Variants in POM121 observed in about 807,000 individuals in gnomAD.
POM121 encodes the protein POM121 transmembrane nucleoporin.
In POM121, 32 loss-of-function variants were observed where a neutral mutation model predicts 81.3. That is an observed-to-expected ratio of 0.39 (90% CI 0.30 to 0.53). The LOEUF is 0.53. Among genes scored for constraint, POM121 ranks in the 20% least tolerant of loss-of-function variants. The pLI is 0.66. For missense variants in POM121, 1,138 were observed against 1,614.6 expected (o/e 0.70, Z 5.06); for synonymous variants, 514 against 694.2 (o/e 0.74, Z 4.08).
rs1290467762 is a variant in POM121 at position 72,947,893 on chromosome 7, C to G, written c.*1659C>G. 1 of 996,138 alleles carries G rather than the reference C, an allele frequency of 1.0e-6. No homozygotes were observed. The highest frequency in any genetic ancestry group is 1.2e-6 in the Non-Finnish European group (1 of 835,600). The allele number at this position is 996,138 out of a possible 1,614,324, so 61.7% of individuals were successfully genotyped here. On this transcript the variant is annotated 3_prime_UTR_variant, in exon 13 of 13. Coordinates refer to ENST00000434423, the MANE Select transcript of POM121 (RefSeq NM_001387691.1). ...TGAGTGAGTGGTGGCGGGGCTGCTC[C>G]TTCCCACCCCTCAGAACAGCTCTGA... is the stretch of plus-strand genomic sequence containing the variant.
In POM121 at chr7:72,925,363, C is replaced by T; in HGVS notation, c.242C>T (p.Ser81Phe). Residue 81 changes from serine (S) to phenylalanine (F), a missense_variant, in exon 1 of 13, where the codon TCC (serine) becomes TTC (phenylalanine). Physicochemically the swap from Ser to Phe is radical, Grantham distance 155. Coordinates refer to ENST00000434423, the MANE Select transcript of POM121 (RefSeq NM_001387691.1). Reference protein sequence around the residue: ...REPRGSRPLSSFVRKARHRRP... With the variant: ...REPRGSRPLSFFVRKARHRRP... ...CCCCGAGGTTCGCGCCCCTTGTCCT[C>T]CTTCGTTCGGAAGGCGCGTCATCGG... 2 of 1,523,080 alleles carry T rather than the reference C, an allele frequency of 1.3e-6. No homozygotes were observed. The highest frequency in any genetic ancestry group is 1.8e-6 in the Non-Finnish European group (2 of 1,137,094). 94.3% of individuals were successfully genotyped at this position (1,523,080 alleles called of 1,614,324 possible).
intron 4 of POM121, among the ~76,000 whole-genome samples, chr7:72,918,540 T>A (rs1199952075): frequency 6.6e-6 from 1 of 152,202 alleles, no homozygotes; most frequent in Non-Finnish European, 1.5e-5. Context: ...GAGTAATTGC[T>A]ACAAACTAAT....
chr7:72,891,233 C>G, intron 3 of POM121: 1 of 534,730 alleles, frequency 1.9e-6, no homozygotes, highest in South Asian at 2.0e-5. Flanking sequence ...ATATCACTTT[C>G]CTTCCTGCAC....
intron 4 of POM121, among the ~76,000 whole-genome samples, chr7:72,918,382 C>G (rs1794491621): frequency 6.6e-6 from 1 of 152,222 alleles, no homozygotes; most frequent in Non-Finnish European, 1.5e-5. Context: ...AGGAGCCCTT[C>G]TGGTGGCCGT....
upstream of POM121, chr7:72,924,750 T>A: frequency 4.5e-6 from 1 of 220,420 alleles, no homozygotes; most frequent in Non-Finnish European, 8.8e-6. Flanking sequence ...GGGGAGGGAC[T>A]CACAACCGCT....
intron 3 of POM121, among the ~76,000 whole-genome samples, chr7:72,898,979 CTTTTTTTTTTTTTTTT>C (rs1176371162): frequency 8.2e-4 from 28 of 34,102 alleles, no homozygotes; most frequent in Middle Eastern, 0.033. Context: ...CTTTTCTTTT[CTTTTTTTTTTTTTTTT>C]TTTTTTTTTT....
intron 3 of POM121, among the ~76,000 whole-genome samples, chr7:72,907,737 C>T (rs1378161301): frequency 6.6e-6 from 1 of 152,210 alleles, no homozygotes; most frequent in Non-Finnish European, 1.5e-5. Flanking sequence ...TCTTGAGCTC[C>T]TGACCTCAAG....
chr7:72,922,465 C>T (rs1289238786), upstream of POM121, among the ~76,000 whole-genome samples: 1 of 152,058 alleles, frequency 6.6e-6, no homozygotes, highest in African/African-American at 2.4e-5. Flanking sequence ...CGGCTCACTG[C>T]AACCTCTGCC....
intron 5 of POM121, among the ~76,000 whole-genome samples, chr7:72,935,318 A>G (rs1796406903): frequency 6.6e-6 from 1 of 152,036 alleles, no homozygotes; most frequent in African/African-American, 2.4e-5. Context: ...GACCACAGGC[A>G]TGCATCACCA....
downstream of POM121, chr7:72,948,904 G>A (rs369389490): frequency 1.2e-5 from 20 of 1,612,162 alleles, no homozygotes; most frequent in Admixed American, 6.7e-5. Flanking sequence ...GAAGGCGCCC[G>A]GGTTCTGCTG....
chr7:72,930,207 C>T, intron 5 of POM121, 96 bp downstream of exon 5: 1 of 1,443,408 alleles, frequency 6.9e-7, no homozygotes, highest in Admixed American at 2.3e-5. Context: ...GTAATCCCAG[C>T]ACTTTGGAAG....
At chr7:72,901,652 C>T (rs1792663362) in intron 3 of POM121, among the ~76,000 whole-genome samples, 1 of 151,752 alleles carries the variant, frequency 6.6e-6, no homozygotes, top group South Asian at 2.1e-4. Context: ...TGTGCCTGGC[C>T]CGACTCAGGC....
chr7:72,901,823 A>G (rs1792678362), intron 3 of POM121, among the ~76,000 whole-genome samples: 1 of 151,458 alleles, frequency 6.6e-6, no homozygotes, highest in African/African-American at 2.4e-5. Flanking sequence ...TTTAAAGCAT[A>G]CAATTCAGGC....
At chr7:72,931,480 G>A (rs1796015464) in intron 5 of POM121, among the ~76,000 whole-genome samples, 3 of 151,716 alleles carry the variant, frequency 2.0e-5, no homozygotes, top group Admixed American at 1.3e-4. Context: ...TATGATAGTA[G>A]GATTTTTTAT....
At chr7:72,917,826 G>C (rs1794431187) in intron 4 of POM121, among the ~76,000 whole-genome samples, 1 of 152,180 alleles carries the variant, frequency 6.6e-6, no homozygotes, top group Admixed American at 6.5e-5. Flanking sequence ...ACCGGTAGTG[G>C]CCCTGAATGT....
chr7:72,933,435 G>C, intron 5 of POM121, among the ~76,000 whole-genome samples: 1 of 152,324 alleles, frequency 6.6e-6, no homozygotes, highest in East Asian at 1.9e-4. Flanking sequence ...TTTCAGTTCT[G>C]TTTCCATGAG....
At chr7:72,948,862 C>G (rs377178372), downstream of POM121, 5 of 1,593,820 alleles carry the variant, frequency 3.1e-6, no homozygotes, top group African/African-American at 1.4e-5. Context: ...CCCCATCCCC[C>G]CCTCCACGAC....
chr7:72,907,900 G>A (rs1243441639), intron 3 of POM121, among the ~76,000 whole-genome samples: 3 of 152,140 alleles, frequency 2.0e-5, no homozygotes, highest in African/African-American at 7.2e-5. Flanking sequence ...TTGTCCCATT[G>A]TTCTTTTTTT....
intron 1 of POM121, among the ~76,000 whole-genome samples, chr7:72,881,422 C>T (rs1443751149): frequency 2.0e-5 from 3 of 149,848 alleles, no homozygotes; most frequent in Non-Finnish European, 4.4e-5. Context: ...TTTTGCGGTT[C>T]TTATGCAGGT....
Sources: allele counts gnomAD v4.1 joint callset (sites outside exome capture counted in the v4.1 genomes callset), GRCh38; gene constraint gnomAD v4.1.1; transcripts MANE v1.5; gene names NCBI Gene and HGNC (gene_info 2026-07-23, HGNC 2026-07-21).